The following MCF2L2 variants were observed in gnomAD, a reference collection of about 807,000 sequenced individuals.
MCF2L2 encodes MCF.2 cell line derived transforming sequence-like 2.
A neutral mutation model predicts 150.2 loss-of-function variants in MCF2L2; 102 were observed. That is an observed-to-expected ratio of 0.68 (90% CI 0.58 to 0.80). MCF2L2 has a LOEUF of 0.80. MCF2L2 is among the 30% of genes least tolerant of loss of function. The pLI is 0.00. For synonymous variants in MCF2L2, 465 were observed against 491.3 expected, an observed-to-expected ratio of 0.95 and a Z score of 0.71; for missense variants, 1,256 against 1,372.8, an observed-to-expected ratio of 0.91 and a Z score of 1.34.
chr3:183,372,595 G>A (rs1053781630), intron 3 of MCF2L2: 2 of 152,208 alleles, frequency 1.3e-5, no homozygotes, highest in African/African-American at 4.8e-5. Context: ...AGGAGGCTGA[G>A]GCAGGAGAAT....
At chr3:183,328,201 C>G (rs1040042331) in intron 5 of MCF2L2, among the ~76,000 whole-genome samples, 3 of 152,176 alleles carry the variant, frequency 2.0e-5, no homozygotes, top group South Asian at 4.1e-4. Context: ...ACACCTTGCC[C>G]TATGGATCTC....
At chr3:183,324,142 AC>A in intron 5 of MCF2L2, among the ~76,000 whole-genome samples, 1 of 152,294 alleles carries the variant, frequency 6.6e-6, no homozygotes, top group South Asian at 2.1e-4. Flanking sequence ...GACTCACTAC[AC>A]TGGTGCGCCC....
At chr3:183,355,613 A>ATTTTTTTTTTTTT (rs71185653) in intron 3 of MCF2L2, among the ~76,000 whole-genome samples, 2 of 84,454 alleles carry the variant, frequency 2.4e-5, no homozygotes, top group Non-Finnish European at 2.2e-5. Flanking sequence ...CGCCCAGCTA[A>ATTTTTTTTTTTTT]TTTTTTTTTT....
At position 183,305,744 on chromosome 3, in the gene MCF2L2, G is replaced by A. The variant is rs1729064812; in HGVS notation, c.1113+3972C>T. Among the ~76,000 whole-genome samples, 1 of 152,166 alleles carries A rather than the reference G, an allele frequency of 6.6e-6. No homozygotes were observed. Among genetic ancestry groups the A allele is most frequent in the Admixed American group, 6.5e-5 (1 of 15,282 alleles). On this transcript the variant is annotated intron_variant, in intron 10 of 29. Transcript: ENST00000328913. The surrounding 1 kb of genome is among the most constrained non-coding windows in gnomAD (Gnocchi z 4.1). ...GGTACCTGTAGTCCCAGCTACTTGG[G>A]AGGCTGAGACAGAAGAATCGCTTGA...
At chr3:183,216,581 T>TATATATATATATATA (rs1183230579) in intron 21 of MCF2L2, among the ~76,000 whole-genome samples, 1 of 1,382 alleles carries the variant, frequency 7.2e-4, no homozygotes, top group African/African-American at 1.0e-3. Flanking sequence ...TATATATATA[T>TATATATATATATATA]TTTTTTTTTT....
intron 3 of MCF2L2, 99 bp downstream of exon 3, chr3:183,379,198 C>T: frequency 1.3e-6 from 1 of 793,944 alleles, no homozygotes; most frequent in Non-Finnish European, 2.0e-6. Context: ...CCAGGGTACA[C>T]CATGCTCATG....
intron 5 of MCF2L2, among the ~76,000 whole-genome samples, chr3:183,327,398 G>C (rs998844510): frequency 6.6e-6 from 1 of 152,116 alleles, no homozygotes; most frequent in Non-Finnish European, 1.5e-5. Flanking sequence ...CAAAGAAAGG[G>C]TTCTCACACT....
At position 183,191,430 on chromosome 3, in the gene MCF2L2, C is replaced by T. The variant is rs182765500; in HGVS notation, c.3016+1569G>A. 6.5e-4 allele frequency among the ~76,000 whole-genome samples: 99 copies of T among 152,264 alleles called. 1 individual carries two copies. The highest frequency in any genetic ancestry group is 2.1e-3 in the African/African-American group (88 of 41,570). ...CTAGACACTTTTATAATGACAGGTACAGTAGTCCCCCTTTATCCTCAGGGG... is the reference window on the plus strand; with the variant it reads ...CTAGACACTTTTATAATGACAGGTATAGTAGTCCCCCTTTATCCTCAGGGG... On this transcript the variant is annotated intron_variant, in intron 27 of 29. Coordinates refer to ENST00000328913, the MANE Select transcript of MCF2L2 (RefSeq NM_015078.4).
At chr3:183,198,947 T>C (rs559969286) in intron 25 of MCF2L2, among the ~76,000 whole-genome samples, 2 of 152,310 alleles carry the variant, frequency 1.3e-5, no homozygotes, top group East Asian at 3.9e-4. Flanking sequence ...ATAATATTAA[T>C]AGTTGTAAAA....
chr3:183,280,845 C>CA (rs201596744), intron 14 of MCF2L2, among the ~76,000 whole-genome samples: 4,394 of 69,012 alleles, frequency 0.064, 136 homozygotes, highest in African/African-American at 0.13. Flanking sequence ...GAGTCTCTGT[C>CA]AAAAAAAAAA....
rs138439817 is a variant in MCF2L2, at chr3:183,194,567, G to A, written c.2918+655C>T. 6.7e-3 allele frequency among the ~76,000 whole-genome samples: 1,026 copies of A among 152,166 alleles called. 8 individuals are homozygous for A. Among genetic ancestry groups the A allele is most frequent in the Non-Finnish European group, 0.011 (756 of 68,004 alleles). On this transcript the variant is annotated intron_variant, in intron 26 of 29. Coordinates refer to ENST00000328913, the MANE Select transcript of MCF2L2 (RefSeq NM_015078.4). ...AGGCAGGGCAGCCTTGTGAAAATAG[G>A]AATGGAATAGAAAGCTCAAGAAAAC...
intron 15 of MCF2L2, among the ~76,000 whole-genome samples, chr3:183,266,301 C>A (rs1726118175): frequency 6.6e-6 from 1 of 152,238 alleles, no homozygotes; most frequent in African/African-American, 2.4e-5. Context: ...CCGGGCACAG[C>A]TGCTCAGGAA....
At chr3:183,186,430 A>G (rs1721697268) in intron 27 of MCF2L2, among the ~76,000 whole-genome samples, 1 of 152,164 alleles carries the variant, frequency 6.6e-6, no homozygotes, top group Admixed American at 6.6e-5. Context: ...ATTTTTAAAA[A>G]AAATTTTTTG....
At chr3:183,406,455 C>G (rs1715047809) in intron 1 of MCF2L2, among the ~76,000 whole-genome samples, 1 of 152,134 alleles carries the variant, frequency 6.6e-6, no homozygotes, top group African/African-American at 2.4e-5. Context: ...TTTATACATT[C>G]TGGATCGAGT....
At chr3:183,199,801 G>C (rs1553881093) in intron 25 of MCF2L2, among the ~76,000 whole-genome samples, 1 of 101,446 alleles carries the variant, frequency 9.9e-6, no homozygotes, top group Non-Finnish European at 2.0e-5. Flanking sequence ...CACAGGCCCT[G>C]GTGTGTGATG....
chr3:183,206,030 G>T, intron 24 of MCF2L2, 76 bp from the exon 25 acceptor site: 1 of 1,549,082 alleles, frequency 6.5e-7, no homozygotes, highest in Non-Finnish European at 8.9e-7. Flanking sequence ...CCCAGTGACC[G>T]TTAGACTAAT....
At chr3:183,379,050 C>T (rs567978372) in intron 3 of MCF2L2, 126 of 422,042 alleles carry the variant, frequency 3.0e-4, no homozygotes, top group African/African-American at 2.4e-3. Flanking sequence ...TCCATCCACC[C>T]GACCATGTTT....
intron 5 of MCF2L2, among the ~76,000 whole-genome samples, chr3:183,336,791 G>A (rs538467929): frequency 6.6e-6 from 1 of 151,866 alleles, no homozygotes; most frequent in South Asian, 2.1e-4. Context: ...GTGGGGCAGA[G>A]GTTGCAGTGA....
intron 22 of MCF2L2, among the ~76,000 whole-genome samples, chr3:183,208,541 G>T (rs747549626): frequency 6.6e-6 from 1 of 152,186 alleles, no homozygotes; most frequent in Non-Finnish European, 1.5e-5. Context: ...AAGTCCAAAT[G>T]AGATGACCCT....
Sources: gnomAD v4.1 joint callset for allele counts (sites outside exome capture counted in the v4.1 genomes callset) on GRCh38, gnomAD v4.1.1 for gene constraint, Gnocchi (gnomAD v3.1) non-coding constraint, MANE v1.5 for transcripts, NCBI Gene and HGNC (gene_info 2026-07-23, HGNC 2026-07-21) for gene names.